LRTM3: variants seen among roughly 807,000 people sequenced by gnomAD.
LRTM3 encodes leucine rich repeat transmembrane protein 3, also known as leucine-rich repeat transmembrane protein 3.
At chr13:102,735,331 G>T in the LRTM3 span, 6 of 1,551,068 alleles carry the variant, frequency 3.9e-6, no homozygotes, top group East Asian at 7.3e-5. Flanking sequence ...GTTCTCCATG[G>T]GTTGCTTCTG....
chr13:102,740,752 C>A, the LRTM3 span: 1 of 1,548,854 alleles, frequency 6.5e-7, no homozygotes, highest in Non-Finnish European at 8.7e-7. Context: ...ATTTTTCTTC[C>A]TTTTCTGCCT....
the LRTM3 span, chr13:102,746,482 T>A: frequency 6.4e-7 from 1 of 1,550,522 alleles, no homozygotes. Context: ...CAGGTACCAA[T>A]CCTTTAGTTT....
the LRTM3 span, chr13:102,730,273 T>C: frequency 6.4e-7 from 1 of 1,551,460 alleles, no homozygotes; most frequent in East Asian, 2.4e-5. Flanking sequence ...GAATGTTTTC[T>C]GATTCCTGAC....
At chr13:102,733,398 A>C in the LRTM3 span, 12 of 1,551,208 alleles carry the variant, frequency 7.7e-6, no homozygotes, top group Non-Finnish European at 1.0e-5. Context: ...ACTTTCGATG[A>C]AGTTTCTTGC....
chr13:102,743,234 C>T, the LRTM3 span: 1 of 1,550,668 alleles, frequency 6.4e-7, no homozygotes, highest in Admixed American at 2.0e-5. Flanking sequence ...ATCAGAATAC[C>T]TTGCTATCCC....
chr13:102,734,826 C>T, the LRTM3 span: 2 of 1,551,092 alleles, frequency 1.3e-6, no homozygotes, highest in African/African-American at 1.4e-5. Flanking sequence ...CATTCCTGCA[C>T]CTTCTCTTCC....
the LRTM3 span, chr13:102,729,874 T>C: frequency 7.7e-4 from 1,192 of 1,552,058 alleles, 1 homozygote; most frequent in Admixed American, 1.5e-3. Flanking sequence ...TCTTTCTTTC[T>C]TGGCTTTCTG....
the LRTM3 span, chr13:102,746,015 T>C: frequency 1.0e-5 from 16 of 1,551,218 alleles, no homozygotes; most frequent in South Asian, 7.1e-5. Context: ...CTGTAAAGCT[T>C]TGGGAGGTGG....
the LRTM3 span, chr13:102,730,570 C>T: frequency 5.8e-5 from 90 of 1,551,880 alleles, no homozygotes; most frequent in Non-Finnish European, 7.0e-5. Context: ...CTTTCTTCCT[C>T]GGGCTGTGCA....
the LRTM3 span, chr13:102,737,262 G>T: frequency 2.6e-6 from 4 of 1,551,114 alleles, no homozygotes; most frequent in African/African-American, 1.4e-5. Context: ...GACTTTGTAT[G>T]TGCTATTTTC....
the LRTM3 span, chr13:102,743,067 C>G: frequency 5.1e-5 from 79 of 1,549,992 alleles, no homozygotes; most frequent in Non-Finnish European, 6.7e-5. Flanking sequence ...TCTGATTTAC[C>G]AAGATGACGA....
the LRTM3 span, chr13:102,744,320 G>C: frequency 3.2e-6 from 5 of 1,550,238 alleles, no homozygotes; most frequent in African/African-American, 6.9e-5. Flanking sequence ...GAAATCTAAA[G>C]GTTTTAAGAC....
chr13:102,746,240 G>A, the LRTM3 span: 20 of 1,550,752 alleles, frequency 1.3e-5, no homozygotes, highest in South Asian at 6.0e-5. Context: ...CATTTGACCC[G>A]CCTCAGACCC....
At chr13:102,731,770 C>A in the LRTM3 span, 1 of 1,551,098 alleles carries the variant, frequency 6.4e-7, no homozygotes, top group Non-Finnish European at 8.7e-7. Context: ...AAGCTTTTTG[C>A]TGCTGAACCT....
At chr13:102,745,601 A>G in the LRTM3 span, 3 of 1,550,948 alleles carry the variant, frequency 1.9e-6, no homozygotes, top group Non-Finnish European at 2.6e-6. Flanking sequence ...TAAAGTTTTC[A>G]TGTCTGAAAA....
chr13:102,743,068 A>G, the LRTM3 span: 4 of 1,550,328 alleles, frequency 2.6e-6, no homozygotes, highest in African/African-American at 2.7e-5. Flanking sequence ...CTGATTTACC[A>G]AGATGACGAT....
chr13:102,746,904 T>A, the LRTM3 span: 12 of 1,551,260 alleles, frequency 7.7e-6, no homozygotes, highest in Non-Finnish European at 1.0e-5. Context: ...TTTTGAGTAC[T>A]CTTCACATTC....
At chr13:102,753,445 T>C in the LRTM3 span, among the ~76,000 whole-genome samples, 1 of 151,392 alleles carries the variant, frequency 6.6e-6, no homozygotes, top group East Asian at 1.9e-4. Flanking sequence ...TATACCTATG[T>C]AACAAACCTG....
the LRTM3 span, chr13:102,741,890 G>A: frequency 1.8e-5 from 28 of 1,550,082 alleles, no homozygotes; most frequent in African/African-American, 1.1e-4. Context: ...AATCCTTAAC[G>A]GTCCAATATA....
Sources: allele counts gnomAD v4.1 joint callset (sites outside exome capture counted in the v4.1 genomes callset), GRCh38; gene constraint gnomAD v4.1.1; transcripts MANE v1.5; gene names NCBI Gene and HGNC (gene_info 2026-07-23, HGNC 2026-07-21).